The following KLHL4 variants were observed in gnomAD, a reference collection of about 807,000 sequenced individuals.
The protein encoded by KLHL4 is kelch like family member 4, also known as kelch-like protein 4.
KLHL4 carries 17 observed loss-of-function variants against 45.8 expected under a neutral mutation model. The ratio of observed to expected loss-of-function variants is 0.37; its 90% CI spans 0.25 to 0.56. The LOEUF (loss-of-function observed/expected upper bound fraction) is 0.56, where lower values mean the gene tolerates loss of function less well. Among genes scored for constraint, KLHL4 ranks in the 20% least tolerant of loss-of-function variants. KLHL4 has a pLI of 0.79. For missense variants in KLHL4, 544 were observed against 544.9 expected, an observed-to-expected ratio of 1.00 and a Z score of 0.02; for synonymous variants, 224 against 189.9, an observed-to-expected ratio of 1.18 and a Z score of -1.47.
rs1922908303 is a variant in KLHL4, at chrX:87,625,831, G to T, written c.1324+35G>T. On this transcript the variant is annotated intron_variant, in intron 6 of 10. Coordinates refer to ENST00000373119, the MANE Select transcript of KLHL4 (RefSeq NM_019117.5). ...ACTTAGAGTGTCTTCATTCAAAAAAGATACATTCTTAACAGCCTCCAAATT... is the reference window on the plus strand; with the variant it reads ...ACTTAGAGTGTCTTCATTCAAAAAATATACATTCTTAACAGCCTCCAAATT... 3.7e-6 allele frequency: 4 copies of T among 1,078,110 alleles called. No individual in the cohort carries two copies. In the East Asian group the frequency reaches 9.2e-5, roughly 25 times the overall value. 88.8% of individuals were successfully genotyped at this position (1,078,110 alleles called of 1,213,427 possible). A position where few individuals can be genotyped will look rare whatever the true frequency, so the allele number is the denominator to read the frequency against.
intron 1 of KLHL4, among the ~76,000 whole-genome samples, chrX:87,533,164 G>C (rs1360827490): frequency 3.5e-4 from 39 of 109,886 alleles, no homozygotes; most frequent in African/African-American, 1.3e-3. Flanking sequence ...CAGGGATCTA[G>C]AACTAGAAAT....
At chrX:87,550,181 T>C (rs183371588) in intron 1 of KLHL4, among the ~76,000 whole-genome samples, 1 of 110,916 alleles carries the variant, frequency 9.0e-6, no homozygotes, top group East Asian at 2.8e-4. Flanking sequence ...CCTAGACACA[T>C]ACAACCTACC....
chrX:87,648,347 G>GA (rs1037760729), intron 9 of KLHL4, among the ~76,000 whole-genome samples: 5 of 111,147 alleles, frequency 4.5e-5, no homozygotes, highest in Non-Finnish European at 9.5e-5. Context: ...AAATTTAGGA[G>GA]AAAAAAATCA....
intron 4 of KLHL4, among the ~76,000 whole-genome samples, chrX:87,618,454 G>A: frequency 9.0e-6 from 1 of 111,714 alleles, no homozygotes; most frequent in Non-Finnish European, 1.9e-5. Flanking sequence ...TTGTAAAATT[G>A]TACGAATTAT....
At chrX:87,627,174 A>AT (rs1281120796) in intron 6 of KLHL4, among the ~76,000 whole-genome samples, 1 of 111,529 alleles carries the variant, frequency 9.0e-6, no homozygotes, top group Admixed American at 9.6e-5. Context: ...ATATTTGACC[A>AT]GATGAGTGAG....
intron 1 of KLHL4, among the ~76,000 whole-genome samples, chrX:87,562,072 C>G (rs1221975931): frequency 2.7e-5 from 3 of 109,230 alleles, no homozygotes; most frequent in Non-Finnish European, 3.8e-5. Flanking sequence ...CCAGCACATT[C>G]TCAGCTGTGG....
At chrX:87,567,753 A>G (rs925752006) in intron 1 of KLHL4, among the ~76,000 whole-genome samples, 3 of 110,415 alleles carry the variant, frequency 2.7e-5, no homozygotes, top group Non-Finnish European at 5.7e-5. Flanking sequence ...GGAGCTAAAC[A>G]TTGAGTACAT....
intron 9 of KLHL4, among the ~76,000 whole-genome samples, chrX:87,640,794 C>T (rs948363120): frequency 6.3e-5 from 7 of 111,390 alleles, no homozygotes; most frequent in Non-Finnish European, 1.3e-4. Context: ...CAATGATGCC[C>T]ACTTTCACAA....
At chrX:87,599,871 T>G (rs1209580306) in intron 1 of KLHL4, among the ~76,000 whole-genome samples, 1 of 112,398 alleles carries the variant, frequency 8.9e-6, no homozygotes, top group Non-Finnish European at 1.9e-5. Flanking sequence ...GTATGTGGCC[T>G]AAGTGTTCAA....
intron 1 of KLHL4, among the ~76,000 whole-genome samples, chrX:87,568,391 C>CTTTTTTTTTTTTTTTTTTT (rs58586775): frequency 1.7e-3 from 98 of 57,404 alleles, no homozygotes; most frequent in Non-Finnish European, 1.8e-3. Flanking sequence ...TTCTTTTTTT[C>CTTTTTTTTTTTTTTTTTTT]TTTTTTTTTT....
At position 87,518,073 on chromosome X, in the gene KLHL4, C is replaced by T. The variant is rs750868540; in HGVS notation, c.180C>T (p.Asn60=). 17 of 1,209,911 alleles carry T rather than the reference C, an allele frequency of 1.4e-5. No individual in the cohort carries two copies. The highest frequency in any genetic ancestry group is 1.7e-5 in the Non-Finnish European group (15 of 895,187). Residue 60 remains asparagine, a synonymous_variant, in exon 1 of 11, where the codon AAC becomes AAT. Transcript: ENST00000373119. ...TGAAGAGCCACTCTCGGGACAGAAACGGACTGAAGAAAAGCAACAGTCCTG... is the reference window on the plus strand; with the variant it reads ...TGAAGAGCCACTCTCGGGACAGAAATGGACTGAAGAAAAGCAACAGTCCTG... ...GRLKSHSRDR[N]GLKKSNSPVH...
At chrX:87,652,882 A>G (rs912670662) in intron 9 of KLHL4, among the ~76,000 whole-genome samples, 12 of 112,209 alleles carry the variant, frequency 1.1e-4, no homozygotes, top group African/African-American at 3.9e-4. Flanking sequence ...ATAAAGACAT[A>G]CCCAAGACTG....
intron 1 of KLHL4, among the ~76,000 whole-genome samples, chrX:87,534,279 A>G: frequency 9.0e-6 from 1 of 110,862 alleles, no homozygotes; most frequent in Non-Finnish European, 1.9e-5. Flanking sequence ...GTTATTCAGT[A>G]TCCAGTATCA....
chrX:87,649,150 G>A (rs1401487177), intron 9 of KLHL4, among the ~76,000 whole-genome samples: 1 of 110,763 alleles, frequency 9.0e-6, no homozygotes, highest in Non-Finnish European at 1.9e-5. Context: ...CATCTGCTCA[G>A]ATTGAAACTC....
intron 1 of KLHL4, among the ~76,000 whole-genome samples, chrX:87,528,280 CTA>C (rs1205486871): frequency 4.5e-5 from 5 of 111,100 alleles, no homozygotes; most frequent in Non-Finnish European, 9.4e-5. Flanking sequence ...TAATAATAGA[CTA>C]GATTAAGCAG....
At chrX:87,564,248 AT>A (rs201783985) in intron 1 of KLHL4, among the ~76,000 whole-genome samples, 1 of 95,097 alleles carries the variant, frequency 1.1e-5, no homozygotes, top group Non-Finnish European at 2.0e-5. Flanking sequence ...TTTAAGATAT[AT>A]GTATTATGAT....
Position 87,668,194 on chromosome X carries a change from G to A in KLHL4, c.*1660G>A. 1 of 752,203 alleles carries A rather than the reference G, an allele frequency of 1.3e-6. No homozygotes were observed. Among genetic ancestry groups the A allele is most frequent in the Non-Finnish European group, 1.6e-6 (1 of 637,484 alleles). The allele number at this position is 752,203 out of a possible 1,213,427, so 62.0% of individuals were successfully genotyped here. A position where few individuals can be genotyped will look rare whatever the true frequency, so the allele number is the denominator to read the frequency against. On this transcript the variant is annotated 3_prime_UTR_variant, in exon 11 of 11. Transcript: ENST00000373119. ...GAATTCACACCTTATTGAAATCAGT[G>A]TAGAAGTAGAGTTACCTAAACCTTT...
intron 9 of KLHL4, among the ~76,000 whole-genome samples, chrX:87,662,909 G>C (rs1375989838): frequency 5.9e-5 from 5 of 84,853 alleles, no homozygotes; most frequent in African/African-American, 9.5e-5. Flanking sequence ...CAGCCTGGGA[G>C]ACAGAGCGAG....
At chrX:87,572,830 A>T (rs1046350882) in intron 1 of KLHL4, among the ~76,000 whole-genome samples, 23 of 109,887 alleles carry the variant, frequency 2.1e-4, no homozygotes, top group Admixed American at 1.8e-3. Flanking sequence ...CTTAAAAAAA[A>T]AAATAAATGA....
Sources: gnomAD v4.1 joint callset for allele counts (sites outside exome capture counted in the v4.1 genomes callset) on GRCh38, gnomAD v4.1.1 for gene constraint, MANE v1.5 for transcripts, NCBI Gene and HGNC (gene_info 2026-07-23, HGNC 2026-07-21) for gene names.